Variants in HSPA8 observed in about 807,000 individuals in gnomAD.
HSPA8 encodes the protein heat shock cognate 71 kDa protein.
HSPA8 carries 2 observed loss-of-function variants against 52.8 expected under a neutral mutation model. That is an observed-to-expected ratio of 0.04 (90% CI 0.02 to 0.12). HSPA8 has a LOEUF of 0.12. HSPA8 is among the 10% of genes least tolerant of loss of function. HSPA8 has a pLI of 1.00. For missense variants in HSPA8, 349 were observed against 800.5 expected (o/e 0.44, Z 6.81); for synonymous variants, 436 against 274.0 (o/e 1.59, Z -5.84).
In HSPA8 at chr11:123,060,257, A is replaced by C; in HGVS notation, c.423T>G (p.Asn141Lys). Residue 141 changes from asparagine to lysine, a missense_variant, in exon 4 of 9, where the codon AAT becomes AAG. Physicochemically the swap from Asn to Lys is moderately conservative, Grantham distance 94 (BLOSUM62 0). Coordinates refer to ENST00000534624, the MANE Select transcript of HSPA8 (RefSeq NM_006597.6). ...AGTAAGCTGGCACTGTGACCACAGC[A>C]TTGGTAACAGTCTAGGAATAAGGAA... ...AEAYLGKTVT[N>K]AVVTVPAYFN... 6.2e-7 allele frequency: 1 copy of C among 1,613,500 alleles called. No individual in the cohort carries two copies. Among genetic ancestry groups the C allele is most frequent in the Non-Finnish European group, 8.5e-7 (1 of 1,179,802 alleles).
At position 123,057,937 on chromosome 11, in the gene HSPA8, G is replaced by A. The variant is rs563979190; in HGVS notation, c.1756-18C>T. On this transcript the variant is annotated intron_variant, in intron 8 of 8. Transcript: ENST00000534624. ...TCAGCAGTCTGAGGAAGAGAAAAAG[G>A]AATTACTGCAAGTTCTTTTAATGTT... 2.5e-5 allele frequency: 39 copies of A among 1,560,330 alleles called. No individual in the cohort carries two copies. The South Asian group carries it at 2.6e-4, about 10-fold the overall frequency.
chr11:123,059,704 T>C lies in HSPA8; in HGVS notation c.889A>G (p.Ile297Val). 2 of 1,613,908 alleles carry C rather than the reference T, an allele frequency of 1.2e-6. No homozygotes were observed. Among genetic ancestry groups the C allele is most frequent in the Non-Finnish European group, 1.7e-6 (2 of 1,179,892 alleles). The change falls in exon 5 of 9, where the codon ATT (isoleucine) becomes GTT (valine). Residue 297 changes from isoleucine to valine, a missense_variant. By Grantham distance (29) the Ile-to-Val change is conservative. Transcript: ENST00000534624. The stretch of plus-strand genomic sequence containing the variant: ...AGTTCTTCAAATCGGGCACGGGTAA[T>C]GGAGGTATAGAAGTCGATTCCTTCA... ...LYEGIDFYTS[I>V]TRARFEELNA...
intron 1 of HSPA8, chr11:123,061,667 G>C: frequency 2.8e-6 from 1 of 361,924 alleles, no homozygotes; most frequent in Admixed American, 4.2e-5. Context: ...AACTACTCCG[G>C]AATGTACCCC....
rs1865394687 is a variant in HSPA8 at position 123,058,740 on chromosome 11, G to C, written c.1414C>G (p.Pro472Ala). Residue 472 changes from proline (P) to alanine (A), a missense_variant, in exon 7 of 9, where the codon CCT becomes GCT. Physicochemically the swap from Pro to Ala is conservative, Grantham distance 27. Coordinates refer to ENST00000534624, the MANE Select transcript of HSPA8 (RefSeq NM_006597.6). Reference sequence around the variant, plus strand: ...ATGTCAAAAGTGACTTCAATCTGAGGAACACCTCGGGGTGCAGGAGGTATG... The same window carrying C: ...ATGTCAAAAGTGACTTCAATCTGAGCAACACCTCGGGGTGCAGGAGGTATG... Reference protein sequence around the residue: ...TGIPPAPRGVPQIEVTFDIDA... With the variant: ...TGIPPAPRGVAQIEVTFDIDA... 6.2e-7 allele frequency: 1 copy of C among 1,613,876 alleles called. No homozygotes were observed. Among genetic ancestry groups the C allele is most frequent in the African/African-American group, 1.3e-5 (1 of 74,910 alleles).
intron 1 of HSPA8, 167 bp from the exon 2 acceptor site, chr11:123,061,496 C>T: frequency 1.6e-6 from 1 of 624,338 alleles, no homozygotes; most frequent in Non-Finnish European, 2.8e-6. Context: ...TGCTGCAGTC[C>T]AGGTTGCCGT....
Position 123,061,177 on chromosome 11 carries a change from A to G in HSPA8, c.148T>C (p.Leu50=), listed in dbSNP as rs1337688399. 1 of 1,613,748 alleles carries G rather than the reference A, an allele frequency of 6.2e-7. No individual in the cohort carries two copies. The highest frequency in any genetic ancestry group is 8.5e-7 in the Non-Finnish European group (1 of 1,179,836). The part of the protein sequence containing the change: ...SYVAFTDTER[L]IGDAAKNQVA... ...TGATTCTTTGCGGCATCACCGATCA[A>G]CCGTTCAGTGTCCGTAAAGGCGACA... Residue 50 remains leucine, a synonymous_variant, in exon 2 of 9, where the codon TTG becomes CTG. Coordinates refer to ENST00000534624, the MANE Select transcript of HSPA8 (RefSeq NM_006597.6).
Position 123,060,680 on chromosome 11 carries a change from C to G in HSPA8, c.324G>C (p.Lys108Asn), listed in dbSNP as rs1464641326. 1 of 1,613,748 alleles carries G rather than the reference C, an allele frequency of 6.2e-7. No homozygotes were observed. The highest frequency in any genetic ancestry group is 1.7e-5 in the Admixed American group (1 of 60,000). The change falls in exon 3 of 9, where the codon AAG becomes AAC. Residue 108 changes from lysine (K) to asparagine (N), a missense_variant. Transcript: ENST00000534624. ...AGRPKVQVEY[K>N]GETKSFYPEE... The stretch of plus-strand genomic sequence containing the variant: ...CTGGATAGAAGCTTTTGGTCTCTCC[C>G]TTGTATTCTACTTGGACCTTGGGCC...
intron 2 of HSPA8, 79 bp from the exon 3 acceptor site, chr11:123,060,877 C>A: frequency 7.7e-7 from 1 of 1,302,970 alleles, no homozygotes; most frequent in Non-Finnish European, 1.1e-6. Flanking sequence ...TACTCAAATA[C>A]CTAACAGTTC....
chr11:123,059,087 G>C lies in HSPA8; in HGVS notation c.1295C>G (p.Ser432Cys). The C allele has an allele frequency of 6.2e-7, 1 of 1,612,670 alleles. No individual in the cohort carries two copies. Among genetic ancestry groups the C allele is most frequent in the Non-Finnish European group, 8.5e-7 (1 of 1,179,966 alleles). ...TKQTQTFTTY[S>C]DNQPGVLIQV... Reference sequence around the variant, plus strand: ...AATAAGCACACCAGGCTGGTTGTCAGAATAGGTAGTGAAGGTCTGTGTCTG... The same window carrying C: ...AATAAGCACACCAGGCTGGTTGTCACAATAGGTAGTGAAGGTCTGTGTCTG... Residue 432 changes from serine to cysteine, a missense_variant, in exon 6 of 9, where the codon TCT becomes TGT. Transcript: ENST00000534624.
In HSPA8 at chr11:123,059,966, G is replaced by A. The variant is rs1290188973; in HGVS notation, c.627C>T (p.Ile209=). ...DLGGGTFDVS[I]LTIEDGIFEV... The stretch of plus-strand genomic sequence containing the variant: ...CAAAGATTCCATCCTCAATAGTGAG[G>A]ATTGACACATCAAAAGTGCCACCTC... Residue 209 remains isoleucine, a synonymous_variant, in exon 5 of 9, where the codon ATC becomes ATT. Transcript: ENST00000534624. 5.0e-6 allele frequency: 8 copies of A among 1,614,052 alleles called. No individual in the cohort carries two copies. The highest frequency in any genetic ancestry group is 1.7e-4 in the Middle Eastern group (1 of 6,050).
Position 123,058,910 on chromosome 11 carries a change from C to A in HSPA8, c.1324-80G>T. The A allele has an allele frequency of 2.1e-6, 3 of 1,461,532 alleles. No individual in the cohort carries two copies. In the South Asian group the frequency reaches 3.5e-5, roughly 17 times the overall value. 90.5% of individuals were successfully genotyped at this position (1,461,532 alleles called of 1,614,324 possible). A position where few individuals can be genotyped will look rare whatever the true frequency, so the allele number is the denominator to read the frequency against. On this transcript the variant is annotated intron_variant, in intron 6 of 8. Transcript: ENST00000534624. Reference sequence around the variant, plus strand: ...TAGGGTCCTGCTAAGGAAGAATGGTCGCTCAAACATCCAAGGAAGGAACTG... The same window carrying A: ...TAGGGTCCTGCTAAGGAAGAATGGTAGCTCAAACATCCAAGGAAGGAACTG...
Position 123,061,319 on chromosome 11 carries a change from G to A in HSPA8, c.6C>T (p.Ser2=). 1 of 1,612,894 alleles carries A rather than the reference G, an allele frequency of 6.2e-7. No individual in the cohort carries two copies. M[S]KGPAVGIDLG... ...GATCAATACCAACTGCAGGTCCCTTGGACATGGTTGCTGAAAAAAAGAAAA... is the reference window on the plus strand; with the variant it reads ...GATCAATACCAACTGCAGGTCCCTTAGACATGGTTGCTGAAAAAAAGAAAA... The change falls in exon 2 of 9, where the codon TCC becomes TCT. Residue 2 remains serine (S), a synonymous_variant. Transcript: ENST00000534624.
chr11:123,059,400 T>TTG (rs76152311), intron 5 of HSPA8, 73 bp downstream of exon 5: 252,845 of 1,426,838 alleles, frequency 0.18, 25,549 homozygotes, highest in African/African-American at 0.39. Context: ...CTACGAATGT[T>TTG]TAACAATCAC....
chr11:123,057,820 C>G lies in HSPA8; in HGVS notation c.1855G>C (p.Gly619Arg). Residue 619 changes from glycine (G) to arginine (R), a missense_variant, in exon 9 of 9, where the codon GGA (glycine) becomes CGA (arginine). By Grantham distance (125) the Gly-to-Arg change is moderately radical. Coordinates refer to ENST00000534624, the MANE Select transcript of HSPA8 (RefSeq NM_006597.6). ...CCAGGAAATCCCCCAGGCATTCCTC[C>G]TGGCATGCCTCCTGCACTCTGGTAC... ...KLYQSAGGMP[G>R]GMPGGFPGGG... 3 of 1,613,108 alleles carry G rather than the reference C, an allele frequency of 1.9e-6. No homozygotes were observed. Among genetic ancestry groups the G allele is most frequent in the Non-Finnish European group, 2.5e-6 (3 of 1,179,092 alleles).
Position 123,059,457 on chromosome 11 carries a change from G to T in HSPA8, c.1120+16C>A. 6.2e-7 allele frequency: 1 copy of T among 1,602,316 alleles called. No homozygotes were observed. The highest frequency in any genetic ancestry group is 1.1e-5 in the South Asian group (1 of 89,954). ...GGCCTGCCTGCCTTTAGGGTTAATT[G>T]AGATACCATTGTTACCTGCACCATA... On this transcript the variant is annotated intron_variant, in intron 5 of 8. Transcript: ENST00000534624.
At position 123,060,025 on chromosome 11, in the gene HSPA8, C is replaced by T; in HGVS notation, c.568G>A (p.Gly190Arg). ...AIAYGLDKKV[G>R]AERNVLIFDL... is the part of the protein sequence containing the mutation. ...AAGATGAGCACGTTTCTTTCTGCTC[C>T]AACCTGCCGTTAAAAACAATCTCAT... Residue 190 changes from glycine (G) to arginine (R), a missense_variant, in exon 5 of 9, where the codon GGA becomes AGA. Coordinates refer to ENST00000534624, the MANE Select transcript of HSPA8 (RefSeq NM_006597.6). The T allele has an allele frequency of 6.2e-7, 1 of 1,613,988 alleles. No individual in the cohort carries two copies.
chr11:123,059,284 TAA>T (rs769407459), intron 5 of HSPA8, 23 bp from the exon 6 acceptor site: 1 of 1,580,452 alleles, frequency 6.3e-7, no homozygotes, highest in Non-Finnish European at 8.7e-7. Flanking sequence ...AAGTTAACGT[TAA>T]AAGAAGTTAA....
chr11:123,061,520 G>A (rs564223644), intron 1 of HSPA8, 191 bp from the exon 2 acceptor site: 16 of 604,856 alleles, frequency 2.6e-5, no homozygotes, highest in South Asian at 7.9e-5. Context: ...AACCGCAGCA[G>A]AGCACGCCCT....
chr11:123,060,447 A>G, intron 3 of HSPA8, 146 bp downstream of exon 3: 1 of 889,086 alleles, frequency 1.1e-6, no homozygotes, highest in Non-Finnish European at 1.8e-6. Context: ...ATCTACCTAG[A>G]GAGCCTAGGG....
Sources: allele counts gnomAD v4.1 joint callset, GRCh38; gene constraint gnomAD v4.1.1; transcripts MANE v1.5; gene names NCBI Gene and HGNC (gene_info 2026-07-23, HGNC 2026-07-21).